Variants in CNTNAP2 observed in about 807,000 individuals in gnomAD.
CNTNAP2 encodes contactin associated protein 2.
In CNTNAP2, 98 loss-of-function variants were observed where a neutral mutation model predicts 155.2. The observed-to-expected ratio is 0.63, with a 90% CI of 0.54 to 0.75. CNTNAP2 has a LOEUF of 0.75. CNTNAP2 is among the 30% of genes least tolerant of loss of function. The pLI, the probability that CNTNAP2 is intolerant of heterozygous loss-of-function variation, is 0.00. For synonymous variants in CNTNAP2, 651 were observed against 631.2 expected, an observed-to-expected ratio of 1.03 and a Z score of -0.47; for missense variants, 1,727 against 1,688.1, an observed-to-expected ratio of 1.02 and a Z score of -0.40.
intron 12 of CNTNAP2, among the ~76,000 whole-genome samples, chr7:147,599,481 CAAAAAAAAA>C (rs55752288): frequency 1.4e-4 from 13 of 94,808 alleles, no homozygotes; most frequent in Non-Finnish European, 2.4e-4. Flanking sequence ...AACTCTGTCT[CAAAAAAAAA>C]AAAAAAAAAA....
At chr7:147,554,309 C>T (rs551012085) in intron 11 of CNTNAP2, among the ~76,000 whole-genome samples, 1 of 151,942 alleles carries the variant, frequency 6.6e-6, no homozygotes, top group South Asian at 2.1e-4. Context: ...GGAAATATGG[C>T]AATCACAGTG....
intron 11 of CNTNAP2, among the ~76,000 whole-genome samples, chr7:147,543,984 T>G (rs1197731038): frequency 3.3e-5 from 5 of 152,224 alleles, no homozygotes; most frequent in Admixed American, 3.3e-4. Flanking sequence ...CTACCTGTTT[T>G]AAACAAAACA....
At chr7:146,623,784 T>C (rs1234585116) in intron 1 of CNTNAP2, among the ~76,000 whole-genome samples, 1 of 152,180 alleles carries the variant, frequency 6.6e-6, no homozygotes, top group Non-Finnish European at 1.5e-5. Context: ...GTGGGTCTTA[T>C]AGTGAGACCA....
intron 4 of CNTNAP2, among the ~76,000 whole-genome samples, chr7:147,047,165 G>A (rs1799380692): frequency 7.7e-6 from 1 of 129,896 alleles, no homozygotes; most frequent in African/African-American, 2.9e-5. Flanking sequence ...CTGGAGTGCA[G>A]TTGTGCAATC....
chr7:148,311,729 G>C (rs192286938), intron 21 of CNTNAP2, among the ~76,000 whole-genome samples: 1 of 152,338 alleles, frequency 6.6e-6, no homozygotes. Context: ...AGGCAGGCTA[G>C]TGGCTTGTAC....
chr7:147,730,976 G>T (rs1441382142), intron 13 of CNTNAP2, among the ~76,000 whole-genome samples: 1 of 152,072 alleles, frequency 6.6e-6, no homozygotes, highest in South Asian at 2.1e-4. Flanking sequence ...CCAGAGCAAG[G>T]CCCTAACTCT....
intron 10 of CNTNAP2, among the ~76,000 whole-genome samples, chr7:147,415,852 G>A (rs370895529): frequency 1.1e-3 from 170 of 152,210 alleles, no homozygotes; most frequent in East Asian, 1.9e-3. Flanking sequence ...ATTCTACACC[G>A]GACAGGCCAA....
chr7:146,729,634 T>A (rs1202624199), intron 1 of CNTNAP2, among the ~76,000 whole-genome samples: 1 of 152,060 alleles, frequency 6.6e-6, no homozygotes, highest in Non-Finnish European at 1.5e-5. Context: ...TAGATATAGA[T>A]ATAATAAAAC....
At chr7:147,767,565 C>T (rs574323491) in intron 13 of CNTNAP2, among the ~76,000 whole-genome samples, 1 of 152,070 alleles carries the variant, frequency 6.6e-6, no homozygotes, top group Non-Finnish European at 1.5e-5. Context: ...ATTACTGCCA[C>T]TAAATAATAT....
At chr7:146,821,241 T>A (rs965502240) in intron 2 of CNTNAP2, among the ~76,000 whole-genome samples, 3 of 152,200 alleles carry the variant, frequency 2.0e-5, no homozygotes, top group South Asian at 2.1e-4. Context: ...CGTTAGTTGA[T>A]GCAGTTTCTT....
chr7:147,511,940 G>A (rs1328961461), intron 11 of CNTNAP2, among the ~76,000 whole-genome samples: 1 of 152,144 alleles, frequency 6.6e-6, no homozygotes, highest in Non-Finnish European at 1.5e-5. Flanking sequence ...AAAGCTGTTT[G>A]TATATTTATT....
At chr7:147,310,909 T>A (rs968256090) in intron 9 of CNTNAP2, among the ~76,000 whole-genome samples, 1 of 152,106 alleles carries the variant, frequency 6.6e-6, no homozygotes. Flanking sequence ...GTTGGGTCAG[T>A]GGATAGAAAA....
intron 1 of CNTNAP2, among the ~76,000 whole-genome samples, chr7:146,497,886 A>G (rs1281360982): frequency 1.4e-5 from 2 of 141,914 alleles, no homozygotes; most frequent in African/African-American, 2.7e-5. Context: ...CATATATACA[A>G]TTATATATGT....
chr7:146,875,597 G>A (rs1795402587), intron 3 of CNTNAP2, among the ~76,000 whole-genome samples: 1 of 151,998 alleles, frequency 6.6e-6, no homozygotes, highest in African/African-American at 2.4e-5. Context: ...GCTTCTGTGG[G>A]ATAGCAGGAG....
intron 1 of CNTNAP2, among the ~76,000 whole-genome samples, chr7:146,131,292 G>A (rs886771543): frequency 2.6e-5 from 4 of 152,182 alleles, no homozygotes; most frequent in South Asian, 2.1e-4. Context: ...TTGAGATAGC[G>A]ACTGAGGTTT....
chr7:146,651,069 A>T (rs1799903366), intron 1 of CNTNAP2, among the ~76,000 whole-genome samples: 1 of 151,952 alleles, frequency 6.6e-6, no homozygotes, highest in Non-Finnish European at 1.5e-5. Flanking sequence ...ACAGACTATC[A>T]CACTCTAATA....
At chr7:147,134,059 A>G (rs570790348) in intron 8 of CNTNAP2, among the ~76,000 whole-genome samples, 1 of 152,168 alleles carries the variant, frequency 6.6e-6, no homozygotes, top group East Asian at 1.9e-4. Flanking sequence ...TATTGTTATG[A>G]TTAATGATTA....
chr7:147,180,991 A>G (rs6957828), intron 8 of CNTNAP2, among the ~76,000 whole-genome samples: 57,654 of 152,012 alleles, frequency 0.38, 11,905 homozygotes, highest in East Asian at 0.62. Context: ...AAAATTAAAA[A>G]TAAATTATAG....
chr7:146,672,445 C>T (rs1022199536), intron 1 of CNTNAP2, among the ~76,000 whole-genome samples: 4 of 152,176 alleles, frequency 2.6e-5, no homozygotes, highest in Non-Finnish European at 5.9e-5. Flanking sequence ...CTATAGAAGT[C>T]ATTCAGTGCC....
Sources: allele counts gnomAD v4.1 joint callset (sites outside exome capture counted in the v4.1 genomes callset), GRCh38; gene constraint gnomAD v4.1.1; transcripts MANE v1.5; gene names NCBI Gene and HGNC (gene_info 2026-07-23, HGNC 2026-07-21).